The following DSCAM variants were observed in gnomAD, a reference collection of about 807,000 sequenced individuals.
The protein encoded by DSCAM is DS cell adhesion molecule.
A neutral mutation model predicts 217.7 loss-of-function variants in DSCAM; 47 were observed. The observed-to-expected ratio is 0.22, with a 90% CI of 0.17 to 0.28. DSCAM has a LOEUF of 0.28. Ranked by LOEUF, DSCAM falls within the 10% of genes least tolerant of loss-of-function variation. The pLI is 1.00. For missense variants in DSCAM, 2,080 were observed against 2,618.3 expected (o/e 0.79, Z 4.49); for synonymous variants, 1,056 against 1,015.3 (o/e 1.04, Z -0.76).
In DSCAM at chr21:40,754,926, G is replaced by A. The variant is rs531845421; in HGVS notation, c.44-46155C>T. On this transcript the variant is annotated intron_variant, in intron 1 of 32. Transcript: ENST00000400454. Reference sequence around the variant, plus strand: ...TGGTAAGCATTTCATTTGAAAGTCTGGATTTATAGGACAATTGAGAGGGAA... The same window carrying A: ...TGGTAAGCATTTCATTTGAAAGTCTAGATTTATAGGACAATTGAGAGGGAA... 2.0e-5 allele frequency among the ~76,000 whole-genome samples: 3 copies of A among 152,314 alleles called. No individual in the cohort carries two copies. In the South Asian group the frequency reaches 6.2e-4, roughly 32 times the overall value.
At chr21:40,551,473 G>A (rs1352756047) in intron 3 of DSCAM, among the ~76,000 whole-genome samples, 1 of 152,134 alleles carries the variant, frequency 6.6e-6, no homozygotes, top group African/African-American at 2.4e-5. Context: ...GCTGCCCTTA[G>A]AGACAATAGA....
At chr21:40,276,960 T>TGATTCATATGAAGGATTTAC (rs1266722103) in intron 10 of DSCAM, among the ~76,000 whole-genome samples, 1 of 151,244 alleles carries the variant, frequency 6.6e-6, no homozygotes, top group East Asian at 1.9e-4. Flanking sequence ...GAAGGATTTA[T>TGATTCATATGAAGGATTTAC]ATACAACTGG....
intron 1 of DSCAM, among the ~76,000 whole-genome samples, chr21:40,821,103 T>C (rs990562655): frequency 7.1e-6 from 1 of 141,466 alleles, no homozygotes; most frequent in Non-Finnish European, 1.5e-5. Context: ...GAGATATATA[T>C]ATCTTCACAT....
Position 40,141,603 on chromosome 21 carries a change from G to A in DSCAM, c.3406+955C>T, listed in dbSNP as rs576286045. On this transcript the variant is annotated intron_variant, in intron 18 of 32. Transcript: ENST00000400454. ...ACTGCACTCCAGCCTGGGTGACAGA[G>A]GGAGACCCTGTCTCAAAAAAAGAAA... Among the ~76,000 whole-genome samples, 9 of 152,246 alleles carry A rather than the reference G, an allele frequency of 5.9e-5. No homozygotes were observed. In the South Asian group the frequency reaches 1.5e-3, roughly 25 times the overall value.
At chr21:40,528,419 AGT>A (rs1392092204) in intron 3 of DSCAM, among the ~76,000 whole-genome samples, 1 of 152,180 alleles carries the variant, frequency 6.6e-6, no homozygotes, top group African/African-American at 2.4e-5. Context: ...TTATACATAG[AGT>A]GTGTAGAAAT....
rs1174122578 is a variant in DSCAM, at chr21:40,376,581, ATATATCTTATATCG to A, written c.509-7350_509-7337del. Among the ~76,000 whole-genome samples, 39 of 70,090 alleles carry A rather than the reference ATATATCTTATATCG, an allele frequency of 5.6e-4. 5 individuals are homozygous for A. The highest frequency in any genetic ancestry group is 1.8e-3 in the African/African-American group (38 of 21,170). The allele number at this position is 70,090 out of a possible 152,430, so 46.0% of individuals were successfully genotyped here. The stretch of plus-strand genomic sequence containing the variant: ...ATCTATATATCTTATATCGATATCT[ATATATCTTATATCG>A]ATATCTATATATCTTATATAGATAT... On this transcript the variant is annotated intron_variant, in intron 3 of 32. Coordinates refer to ENST00000400454, the MANE Select transcript of DSCAM (RefSeq NM_001389.5).
intron 1 of DSCAM, among the ~76,000 whole-genome samples, chr21:40,800,707 CTTACT>C (rs2091732090): frequency 2.8e-5 from 4 of 143,800 alleles, no homozygotes; most frequent in Non-Finnish European, 6.0e-5. Flanking sequence ...TTTCTTCTTT[CTTACT>C]TTCTTTTTTT....
chr21:40,709,472 T>G (rs1370242272), intron 1 of DSCAM, among the ~76,000 whole-genome samples: 1 of 152,208 alleles, frequency 6.6e-6, no homozygotes, highest in Non-Finnish European at 1.5e-5. Flanking sequence ...GTATTTCTCC[T>G]AATGCTATCC....
At chr21:40,193,401 A>G (rs145000714) in intron 11 of DSCAM, among the ~76,000 whole-genome samples, 37 of 152,328 alleles carry the variant, frequency 2.4e-4, no homozygotes, top group African/African-American at 8.4e-4. Flanking sequence ...AAAGCCAACA[A>G]AAGTAACCTA....
chr21:40,600,588 T>G (rs547436548), intron 3 of DSCAM, among the ~76,000 whole-genome samples: 1 of 152,304 alleles, frequency 6.6e-6, no homozygotes, highest in Non-Finnish European at 1.5e-5. Flanking sequence ...ATCTAAAAAG[T>G]CAAAACCAAA....
intron 3 of DSCAM, among the ~76,000 whole-genome samples, chr21:40,475,851 A>AAATT (rs1185094760): frequency 9.2e-5 from 14 of 151,560 alleles, no homozygotes; most frequent in African/African-American, 3.4e-4. Flanking sequence ...ATTAATAAAT[A>AAATT]AAATTTAAAA....
intron 3 of DSCAM, among the ~76,000 whole-genome samples, chr21:40,498,437 GT>G (rs368866000): frequency 3.2e-4 from 49 of 151,844 alleles, no homozygotes; most frequent in African/African-American, 1.1e-3. Flanking sequence ...GTAGATGGGT[GT>G]TTTAGAGACA....
intron 3 of DSCAM, among the ~76,000 whole-genome samples, chr21:40,463,374 C>A (rs1601662838): frequency 1.3e-5 from 2 of 152,168 alleles, no homozygotes; most frequent in East Asian, 3.9e-4. Context: ...CAATCAGCAT[C>A]AGAAATGCAA....
intron 3 of DSCAM, among the ~76,000 whole-genome samples, chr21:40,574,702 C>A (rs1006801504): frequency 3.0e-5 from 4 of 132,362 alleles, no homozygotes; most frequent in African/African-American, 1.2e-4. Flanking sequence ...ACATAAGGTG[C>A]CTGATTTTTT....
intron 3 of DSCAM, among the ~76,000 whole-genome samples, chr21:40,463,262 A>G (rs956820786): frequency 3.9e-5 from 6 of 152,140 alleles, no homozygotes; most frequent in Admixed American, 3.9e-4. Flanking sequence ...CACTTTAAAA[A>G]TAAACCCCAA....
At chr21:40,227,792 C>G (rs1014069376) in intron 11 of DSCAM, among the ~76,000 whole-genome samples, 2 of 152,172 alleles carry the variant, frequency 1.3e-5, no homozygotes, top group Admixed American at 6.5e-5. Context: ...TTATTTACAC[C>G]TTACATTAGT....
At chr21:40,088,890 A>T (rs2089567901) in intron 21 of DSCAM, among the ~76,000 whole-genome samples, 1 of 152,214 alleles carries the variant, frequency 6.6e-6, no homozygotes. Flanking sequence ...CTACACATGC[A>T]TTGGGATGTT....
chr21:40,170,543 T>C lies in DSCAM; in HGVS notation c.2948-3255A>G, dbSNP rs541896955. Among the ~76,000 whole-genome samples, 6 of 152,248 alleles carry C rather than the reference T, an allele frequency of 3.9e-5. No homozygotes were observed. In the South Asian group the frequency reaches 1.2e-3, roughly 32 times the overall value. ...CCAGAACAGGAGCCGAGGGAGAGAA[T>C]GGCTTCCAGCTAATGGTGATGATTA... On this transcript the variant is annotated intron_variant, in intron 15 of 32. Coordinates refer to ENST00000400454, the MANE Select transcript of DSCAM (RefSeq NM_001389.5).
intron 10 of DSCAM, among the ~76,000 whole-genome samples, chr21:40,277,518 T>C (rs2073702851): frequency 6.6e-6 from 1 of 152,182 alleles, no homozygotes; most frequent in South Asian, 2.1e-4. Flanking sequence ...ACGAGAGAAA[T>C]TGATAAGGTA....
Sources: allele counts gnomAD v4.1 joint callset (sites outside exome capture counted in the v4.1 genomes callset), GRCh38; gene constraint gnomAD v4.1.1; transcripts MANE v1.5; gene names NCBI Gene and HGNC (gene_info 2026-07-23, HGNC 2026-07-21).